Variants in TEX15 observed in about 807,000 individuals in gnomAD.
TEX15 encodes the protein testis expressed 15, meiosis and synapsis associated.
Under a neutral mutation model 237.3 loss-of-function variants are expected in TEX15, and 171 were observed. The observed-to-expected ratio is 0.72, with a 90% CI of 0.64 to 0.82. The LOEUF is 0.82. Among genes scored for constraint, TEX15 ranks in the 40% least tolerant of loss-of-function variants. The probability of loss-of-function intolerance (pLI) is 0.00; values close to 1 mark genes in which losing one functional copy is unlikely to be tolerated. For missense variants in TEX15, 3,750 were observed against 3,646.5 expected, an observed-to-expected ratio of 1.03 and a Z score of -0.73; for synonymous variants, 1,338 against 1,269.8, an observed-to-expected ratio of 1.05 and a Z score of -1.14.
chr8:30,898,402 C>T (rs1035360339), intron 2 of TEX15, among the ~76,000 whole-genome samples: 4 of 152,162 alleles, frequency 2.6e-5, no homozygotes, highest in Non-Finnish European at 5.9e-5. Context: ...AAATGCACCA[C>T]CTATGAGAAA....
rs373963717 is a variant in TEX15 at position 30,849,005 on chromosome 8, C to T, written c.1162G>A (p.Ala388Thr). Residue 388 changes from alanine to threonine, a missense_variant, in exon 8 of 11, where the codon GCC becomes ACC. Transcript: ENST00000643185. ...DSDISLMPSD[A>T]KDSVNGDLLL... ...AGGTCACCATTAACACTGTCTTTGG[C>T]ATCACTGGGCATAAGTGAAATGTCT... The T allele has an allele frequency of 9.3e-6, 15 of 1,614,158 alleles. No individual in the cohort carries two copies. Among genetic ancestry groups the T allele is most frequent in the Non-Finnish European group, 1.3e-5 (15 of 1,180,010 alleles).
Position 30,837,908 on chromosome 8 carries a change from T to C in TEX15, c.8376A>G (p.Ala2792=), listed in dbSNP as rs762967747. The change falls in exon 10 of 11, where the codon GCA becomes GCG. Residue 2792 remains alanine, a synonymous_variant. Transcript: ENST00000643185. ...AGTCTATTTTGCTTTCCGACTTTGA[T>C]GCGCAAGTGTCTTTTGGGTTCTCTA... ...LPLENPKDTC[A]SKSESKIDLT... is the part of the protein sequence containing the mutation. The C allele has an allele frequency of 6.2e-7, 1 of 1,614,102 alleles. No homozygotes were observed. Among genetic ancestry groups the C allele is most frequent in the African/African-American group, 1.3e-5 (1 of 74,946 alleles).
chr8:30,910,444 G>C (rs904681522), intron 1 of TEX15, among the ~76,000 whole-genome samples: 2 of 151,936 alleles, frequency 1.3e-5, no homozygotes, highest in Non-Finnish European at 2.9e-5. Flanking sequence ...TGTTTGCCTA[G>C]TTCCATGAAT....
chr8:30,845,456 C>G lies in TEX15; in HGVS notation c.4711G>C (p.Glu1571Gln). Residue 1571 changes from glutamate (E) to glutamine (Q), a missense_variant, in exon 8 of 11, where the codon GAA becomes CAA. By Grantham distance (29) the Glu-to-Gln change is conservative (BLOSUM62 2). Transcript: ENST00000643185. ...AAAAATGCTGTATCAATTTGATTTT[C>G]TTTTTCTATTAGTTTCTCATCTGAG... ...DHSDEKLIEK[E>Q]NQIDTAFLSS... 1.2e-6 allele frequency: 2 copies of G among 1,612,768 alleles called. No homozygotes were observed. Among genetic ancestry groups the G allele is most frequent in the Non-Finnish European group, 1.7e-6 (2 of 1,179,312 alleles).
chr8:30,837,559 G>C lies in TEX15; in HGVS notation c.8725C>G (p.Leu2909Val). ...TCAAAGACTGTGTCATTCATTTCTA[G>C]ATCAGGATGGACATCTTTCACAAAA... Reference protein sequence around the residue: ...FCFVKDVHPDLEMNDTVFELQ... With the variant: ...FCFVKDVHPDVEMNDTVFELQ... Residue 2909 changes from leucine (L) to valine (V), a missense_variant, in exon 10 of 11, where the codon CTA (leucine) becomes GTA (valine). Leu to Val is a conservative substitution (Grantham distance 32, BLOSUM62 1). Coordinates refer to ENST00000643185, the MANE Select transcript of TEX15 (RefSeq NM_001350162.2). 1 of 1,613,958 alleles carries C rather than the reference G, an allele frequency of 6.2e-7. No homozygotes were observed.
chr8:30,892,764 T>G (rs1249496436), intron 2 of TEX15, among the ~76,000 whole-genome samples: 2 of 152,222 alleles, frequency 1.3e-5, no homozygotes, highest in Admixed American at 6.5e-5. Flanking sequence ...CTGGGCGCAG[T>G]GGCTCACGCC....
In TEX15 at chr8:30,843,895, C is replaced by CT. The variant is rs778104055; in HGVS notation, c.6271dup (p.Arg2091LysfsTer6). The CT allele has an allele frequency of 5.1e-5, 82 of 1,612,686 alleles. 1 individual carries two copies. Among genetic ancestry groups the CT allele is most frequent in the Non-Finnish European group, 6.4e-5 (76 of 1,179,562 alleles). On this transcript the variant is annotated frameshift_variant, in exon 8 of 11. Coordinates refer to ENST00000643185, the MANE Select transcript of TEX15 (RefSeq NM_001350162.2). LOFTEE classifies it high-confidence loss of function. ...CAATGTTGGTTCACCTTCTAAGTGC[C>CT]TTTTTTTGTTTTCAATGAATTGAAT...
rs1192342488 is a variant in TEX15, at chr8:30,911,761, C to G, written c.-86+1118G>C. ...GGGCACTGTCTCCCGACACAGCCAG[C>G]GCGGTGGCCATGCGCCTCAAACCGA... is the stretch of plus-strand genomic sequence containing the variant. On this transcript the variant is annotated intron_variant, in intron 1 of 10. Transcript: ENST00000643185. Among the ~76,000 whole-genome samples the G allele has an allele frequency of 2.6e-5, 4 of 152,178 alleles. No individual in the cohort carries two copies. In the East Asian group the frequency reaches 7.7e-4, roughly 29 times the overall value.
chr8:30,838,993 T>C (rs1807383252), intron 9 of TEX15, among the ~76,000 whole-genome samples: 1 of 151,446 alleles, frequency 6.6e-6, no homozygotes, highest in Non-Finnish European at 1.5e-5. Flanking sequence ...TTTCCATATT[T>C]TTAGTAGAGA....
rs148507544 is a variant in TEX15 at position 30,862,605 on chromosome 8, T to C, written c.541-2548A>G. On this transcript the variant is annotated intron_variant, in intron 5 of 10. Transcript: ENST00000643185. The stretch of plus-strand genomic sequence containing the variant: ...AATATAAAAGTAAATTATGCTTAAT[T>C]TGATATTTGAGGTCAAAAAAATTGT... Among the ~76,000 whole-genome samples, 376 of 152,310 alleles carry C rather than the reference T, an allele frequency of 2.5e-3. 4 individuals are homozygous for C. The highest frequency in any genetic ancestry group is 8.6e-3 in the African/African-American group (359 of 41,568).
Position 30,842,953 on chromosome 8 carries a change from A to G in TEX15, c.7214T>C (p.Phe2405Ser). Residue 2405 changes from phenylalanine (F) to serine (S), a missense_variant, in exon 8 of 11, where the codon TTT (phenylalanine) becomes TCT (serine). Phe to Ser is a radical substitution (Grantham distance 155). Coordinates refer to ENST00000643185, the MANE Select transcript of TEX15 (RefSeq NM_001350162.2). ...TDHLEILKKY[F>S]QMLQDNNMDN... is the part of the protein sequence containing the mutation. ...CATGTTATTATCTTGTAGCATCTGAAAGTATTTTTTTAAAATTTCTAAGTG... is the reference window on the plus strand; with the variant it reads ...CATGTTATTATCTTGTAGCATCTGAGAGTATTTTTTTAAAATTTCTAAGTG... 2 of 1,610,724 alleles carry G rather than the reference A, an allele frequency of 1.2e-6. No individual in the cohort carries two copies. The highest frequency in any genetic ancestry group is 1.3e-5 in the African/African-American group (1 of 74,846).
chr8:30,888,235 A>G (rs1808705073), intron 2 of TEX15, among the ~76,000 whole-genome samples: 1 of 151,972 alleles, frequency 6.6e-6, no homozygotes, highest in Non-Finnish European at 1.5e-5. Flanking sequence ...ATTTTTAAAA[A>G]GCATTTTTTT....
At chr8:30,841,981 G>A in intron 8 of TEX15, 23 bp downstream of exon 8, 5 of 1,478,122 alleles carry the variant, frequency 3.4e-6, no homozygotes, top group Non-Finnish European at 4.5e-6. Context: ...ACTTATAAAA[G>A]TTTTGTTTTA....
intron 3 of TEX15, among the ~76,000 whole-genome samples, chr8:30,877,588 T>C (rs1162166668): frequency 2.0e-5 from 3 of 152,218 alleles, no homozygotes; most frequent in East Asian, 3.8e-4. Context: ...GATAGTTTCA[T>C]AACATATGAT....
At chr8:30,868,360 G>C (rs968402916) in intron 4 of TEX15, among the ~76,000 whole-genome samples, 1 of 151,934 alleles carries the variant, frequency 6.6e-6, no homozygotes, top group Non-Finnish European at 1.5e-5. Context: ...GCCACATCAG[G>C]TGGTACAATA....
chr8:30,877,181 C>A (rs907340145), intron 3 of TEX15, among the ~76,000 whole-genome samples: 1 of 152,174 alleles, frequency 6.6e-6, no homozygotes, highest in South Asian at 2.1e-4. Context: ...CCTCATTTGA[C>A]CTTAAATGAG....
At chr8:30,860,563 CTTTTTTT>C (rs35815726) in intron 5 of TEX15, among the ~76,000 whole-genome samples, 8 of 127,034 alleles carry the variant, frequency 6.3e-5, no homozygotes, top group African/African-American at 1.7e-4. Context: ...AGAGAATCTA[CTTTTTTT>C]TTTTTTTTTT....
At position 30,845,357 on chromosome 8, in the gene TEX15, TTTC is replaced by T; in HGVS notation, c.4807_4809del (p.Glu1603del). The T allele has an allele frequency of 6.2e-7, 1 of 1,611,910 alleles. No homozygotes were observed. The highest frequency in any genetic ancestry group is 8.5e-7 in the Non-Finnish European group (1 of 1,178,574). ...ATTACTTCATTAGCGTCACAACTGTTTTCTTTAGTTGCATCTTTAACATTATGA... is the reference window on the plus strand; with the variant it reads ...ATTACTTCATTAGCGTCACAACTGTTTTTAGTTGCATCTTTAACATTATGA... On this transcript the variant is annotated inframe_deletion, in exon 8 of 11. Transcript: ENST00000643185.
chr8:30,912,338 G>A (rs1809243598), intron 1 of TEX15, among the ~76,000 whole-genome samples: 1 of 8,570 alleles, frequency 1.2e-4, no homozygotes, highest in Admixed American at 1.2e-3. Context: ...CGGGGCTCCC[G>A]CCCCCTCCCC....
Sources: gnomAD v4.1 joint callset for allele counts (sites outside exome capture counted in the v4.1 genomes callset) on GRCh38, gnomAD v4.1.1 for gene constraint, MANE v1.5 for transcripts, NCBI Gene and HGNC (gene_info 2026-07-23, HGNC 2026-07-21) for gene names.